The following PHF19 variants were observed in gnomAD, a reference collection of about 807,000 sequenced individuals.
PHF19 encodes the protein PHD finger protein 19.
PHF19 carries 21 observed loss-of-function variants against 79.8 expected under a neutral mutation model. The observed-to-expected ratio is 0.26, with a 90% CI of 0.19 to 0.38. The LOEUF (loss-of-function observed/expected upper bound fraction) is 0.38. PHF19 is among the 10% of genes least tolerant of loss of function. The pLI is 1.00. For missense variants in PHF19, 445 were observed against 744.2 expected (o/e 0.60, Z 4.68); for synonymous variants, 273 against 296.3 (o/e 0.92, Z 0.81).
chr9:120,873,435 T>C (rs2045960314), intron 3 of PHF19, among the ~76,000 whole-genome samples: 1 of 152,238 alleles, frequency 6.6e-6, no homozygotes, highest in Admixed American at 6.5e-5. Flanking sequence ...AAAGCTGGTC[T>C]AGCTCCATCC....
chr9:120,867,466 AAC>A (rs1367826560), intron 6 of PHF19, among the ~76,000 whole-genome samples: 2 of 152,234 alleles, frequency 1.3e-5, no homozygotes, highest in Non-Finnish European at 2.9e-5. Flanking sequence ...GTCATCCAAC[AAC>A]TATTCATGGA....
At chr9:120,884,444 G>A (rs971177412) in intron 1 of PHF19, among the ~76,000 whole-genome samples, 3 of 152,212 alleles carry the variant, frequency 2.0e-5, no homozygotes, top group Non-Finnish European at 4.4e-5. Context: ...CTCCCCGGGA[G>A]CCAAGGCTCT....
intron 1 of PHF19, among the ~76,000 whole-genome samples, chr9:120,876,647 G>T (rs1257173226): frequency 6.6e-6 from 1 of 152,148 alleles, no homozygotes; most frequent in East Asian, 1.9e-4. Flanking sequence ...CTCCCAGGGC[G>T]GCCGTTGGCT....
chr9:120,887,439 G>T (rs2046280427), intron 1 of PHF19, among the ~76,000 whole-genome samples: 1 of 152,140 alleles, frequency 6.6e-6, no homozygotes. Context: ...GGGCAACAGA[G>T]TGAAACTCCA....
chr9:120,888,063 C>G (rs1468077235), intron 1 of PHF19, among the ~76,000 whole-genome samples: 2 of 152,222 alleles, frequency 1.3e-5, no homozygotes, highest in Non-Finnish European at 2.9e-5. Context: ...ACCTCTGCCT[C>G]CCAGGTTCAA....
At chr9:120,872,145 T>A (rs2045922685) in intron 3 of PHF19, among the ~76,000 whole-genome samples, 1 of 151,774 alleles carries the variant, frequency 6.6e-6, no homozygotes, top group African/African-American at 2.4e-5. Context: ...AAGACGTTTG[T>A]TGAATATATG....
chr9:120,879,964 C>T (rs1222887007), upstream of PHF19, among the ~76,000 whole-genome samples: 3 of 151,498 alleles, frequency 2.0e-5, no homozygotes, highest in African/African-American at 7.3e-5. Flanking sequence ...CACCATTACA[C>T]ATCCACCAGA....
upstream of PHF19, among the ~76,000 whole-genome samples, chr9:120,897,754 G>A (rs868601936): frequency 3.3e-5 from 5 of 152,022 alleles, no homozygotes; most frequent in South Asian, 4.1e-4. Flanking sequence ...CGAGGCAGGC[G>A]GATCACTTGA....
upstream of PHF19, among the ~76,000 whole-genome samples, chr9:120,878,436 C>T (rs2046125663): frequency 6.6e-6 from 1 of 152,158 alleles, no homozygotes; most frequent in Non-Finnish European, 1.5e-5. Flanking sequence ...CAGCGCCCAC[C>T]TCTGTGGCTA....
At position 120,869,988 on chromosome 9, in the gene PHF19, T is replaced by C; in HGVS notation, c.365-43A>G. ...GCGGTGAGCGCCCACAAGGACATCG[T>C]GGCCCAAGGCCAGTTGGCCCAAAGG... On this transcript the variant is annotated intron_variant, in intron 4 of 14. Coordinates refer to ENST00000373896, the MANE Select transcript of PHF19 (RefSeq NM_015651.3). The surrounding 1 kb of genome is among the most constrained non-coding windows in gnomAD (Gnocchi z 5.8). The C allele has an allele frequency of 6.5e-7, 1 of 1,543,700 alleles. No homozygotes were observed. The highest frequency in any genetic ancestry group is 8.7e-7 in the Non-Finnish European group (1 of 1,143,444).
chr9:120,858,842 C>A (rs2045428885), intron 14 of PHF19, among the ~76,000 whole-genome samples: 1 of 151,824 alleles, frequency 6.6e-6, no homozygotes, highest in South Asian at 2.1e-4. Context: ...CACACACACA[C>A]ACACACACAC....
At chr9:120,877,300 C>T (rs1056928165), upstream of PHF19, 5 of 965,494 alleles carry the variant, frequency 5.2e-6, no homozygotes, top group South Asian at 4.6e-5. Flanking sequence ...CAGGAAGGGG[C>T]CCCCCGGGCG....
upstream of PHF19, among the ~76,000 whole-genome samples, chr9:120,877,974 A>G (rs191138660): frequency 6.6e-6 from 1 of 152,362 alleles, no homozygotes; most frequent in East Asian, 1.9e-4. Context: ...CAGACGGGCA[A>G]GAGACACAAG....
chr9:120,895,119 G>A (rs2046389664), upstream of PHF19, among the ~76,000 whole-genome samples: 1 of 152,198 alleles, frequency 6.6e-6, no homozygotes, highest in African/African-American at 2.4e-5. Flanking sequence ...AAGTCACACA[G>A]GTAGCAAGTA....
intron 14 of PHF19, among the ~76,000 whole-genome samples, chr9:120,858,555 T>C (rs1467430871): frequency 6.6e-6 from 1 of 151,678 alleles, no homozygotes; most frequent in African/African-American, 2.4e-5. Context: ...GAAAACCAGG[T>C]AGGGAGTGGC....
At position 120,857,939 on chromosome 9, in the gene PHF19, G is replaced by C. The variant is rs750693927; in HGVS notation, c.*5C>G. 6.5e-7 allele frequency: 1 copy of C among 1,549,678 alleles called. No individual in the cohort carries two copies. The highest frequency in any genetic ancestry group is 8.8e-7 in the Non-Finnish European group (1 of 1,136,148). On this transcript the variant is annotated 3_prime_UTR_variant, in exon 15 of 15. Coordinates refer to ENST00000373896, the MANE Select transcript of PHF19 (RefSeq NM_015651.3). ...TTCAGGACCCCTGGCACCCCCGGGG[G>C]CTAGTCAGTAAGGGGTGGTCCCTTC...
rs1400456630 is a variant in PHF19 at position 120,870,775 on chromosome 9, G to A, written c.269-237C>T. 1.3e-5 allele frequency among the ~76,000 whole-genome samples: 2 copies of A among 152,206 alleles called. No individual in the cohort carries two copies. Among genetic ancestry groups the A allele is most frequent in the Non-Finnish European group, 1.5e-5 (1 of 68,044 alleles). Reference sequence around the variant, plus strand: ...TTAGCTAGTAAGTAGGTGAGGGGGGGATTAAACCCATGGCTGTTTGACATC... The same window carrying A: ...TTAGCTAGTAAGTAGGTGAGGGGGGAATTAAACCCATGGCTGTTTGACATC... On this transcript the variant is annotated intron_variant, in intron 3 of 14. Transcript: ENST00000373896. This position sits in a 1 kb window ranked among gnomAD's most constrained non-coding sequence, Gnocchi z 4.4.
At position 120,860,513 on chromosome 9, in the gene PHF19, G is replaced by A; in HGVS notation, c.1305-328C>T. ...TATCTTGTTTGAGGAAAAGAGCTGA[G>A]GAGGTTCAGAGAGGTTAAGGGATTT... On this transcript the variant is annotated intron_variant, in intron 13 of 14. Transcript: ENST00000373896. The surrounding 1 kb of genome is among the most constrained non-coding windows in gnomAD (Gnocchi z 4.1). 1 of 351,616 alleles carries A rather than the reference G, an allele frequency of 2.8e-6. No individual in the cohort carries two copies. The highest frequency in any genetic ancestry group is 5.5e-6 in the Non-Finnish European group (1 of 182,840). 21.8% of individuals were successfully genotyped at this position (351,616 alleles called of 1,614,324 possible). A position where few individuals can be genotyped will look rare whatever the true frequency, so the allele number is the denominator to read the frequency against.
intron 9 of PHF19, among the ~76,000 whole-genome samples, chr9:120,865,026 TA>T (rs1307933004): frequency 1.3e-5 from 2 of 152,210 alleles, no homozygotes; most frequent in South Asian, 2.1e-4. Context: ...TCTATTTTTT[TA>T]AAAAAATTAT....
Sources: allele counts gnomAD v4.1 joint callset (sites outside exome capture counted in the v4.1 genomes callset), GRCh38; gene constraint gnomAD v4.1.1; non-coding constraint Gnocchi (gnomAD v3.1); transcripts MANE v1.5; gene names NCBI Gene and HGNC (gene_info 2026-07-23, HGNC 2026-07-21).